The following HMGCLL1 variants were observed in gnomAD, a reference collection of about 807,000 sequenced individuals.
HMGCLL1 encodes 3-hydroxy-3-methylglutaryl-CoA lyase like 1.
HMGCLL1 carries 36 observed loss-of-function variants against 39.1 expected under a neutral mutation model. That is an observed-to-expected ratio of 0.92 (90% CI 0.71 to 1.22). The LOEUF is 1.22. Ranked by LOEUF, HMGCLL1 falls within the 50% of genes most tolerant of loss-of-function variation. The probability of loss-of-function intolerance (pLI) is 0.00; values close to 1 mark genes in which losing one functional copy is unlikely to be tolerated. For synonymous variants in HMGCLL1, 149 were observed against 144.0 expected, an observed-to-expected ratio of 1.03 and a Z score of -0.25; for missense variants, 451 against 416.5, an observed-to-expected ratio of 1.08 and a Z score of -0.72.
intron 7 of HMGCLL1, among the ~76,000 whole-genome samples, chr6:55,463,874 C>T (rs1581809701): frequency 6.6e-6 from 1 of 152,064 alleles, no homozygotes; most frequent in Non-Finnish European, 1.5e-5. Flanking sequence ...GTCTCACCTC[C>T]AGGGCAATAC....
At chr6:55,615,448 T>G in the HMGCLL1 span, among the ~76,000 whole-genome samples, 1 of 152,142 alleles carries the variant, frequency 6.6e-6, no homozygotes, top group Admixed American at 6.6e-5. Flanking sequence ...CTATAAAATG[T>G]ACTTGCAGGT....
chr6:55,659,989 A>C, the HMGCLL1 span, among the ~76,000 whole-genome samples: 1 of 151,796 alleles, frequency 6.6e-6, no homozygotes, highest in African/African-American at 2.4e-5. Context: ...AAGTCCAATG[A>C]GATAGAGGTG....
chr6:55,661,146 T>A, the HMGCLL1 span, among the ~76,000 whole-genome samples: 2 of 152,004 alleles, frequency 1.3e-5, no homozygotes, highest in Non-Finnish European at 2.9e-5. Context: ...TTGCAAATAT[T>A]TTTGCTCACT....
chr6:55,454,920 A>T (rs1479453623), intron 7 of HMGCLL1, among the ~76,000 whole-genome samples: 1 of 152,104 alleles, frequency 6.6e-6, no homozygotes, highest in African/African-American at 2.4e-5. Context: ...TTTTACATAG[A>T]TATAAAATAT....
chr6:55,518,528 A>C (rs1767867663), intron 3 of HMGCLL1, among the ~76,000 whole-genome samples: 1 of 152,240 alleles, frequency 6.6e-6, no homozygotes, highest in Middle Eastern at 3.4e-3. Flanking sequence ...AACTATTAGA[A>C]TGTAGTGGAA....
At chr6:55,607,046 ATTAG>A in the HMGCLL1 span, among the ~76,000 whole-genome samples, 1 of 152,274 alleles carries the variant, frequency 6.6e-6, no homozygotes, top group Non-Finnish European at 1.5e-5. Context: ...GTTTTTGTTA[ATTAG>A]TTAATCAGCA....
At chr6:55,572,229 AG>A (rs1387054608) in intron 1 of HMGCLL1, among the ~76,000 whole-genome samples, 1 of 152,188 alleles carries the variant, frequency 6.6e-6, no homozygotes, top group Non-Finnish European at 1.5e-5. Context: ...GCAATGCAAA[AG>A]ATAAGATTGA....
intron 7 of HMGCLL1, among the ~76,000 whole-genome samples, chr6:55,473,754 T>G (rs1017536763): frequency 2.0e-4 from 31 of 151,618 alleles, no homozygotes; most frequent in African/African-American, 7.5e-4. Flanking sequence ...TATCCTTCTT[T>G]GTGAAGACTG....
the HMGCLL1 span, among the ~76,000 whole-genome samples, chr6:55,636,887 G>C: frequency 4.5e-4 from 68 of 152,266 alleles, no homozygotes; most frequent in African/African-American, 1.6e-3. Context: ...CCCACCTGGA[G>C]TATAGGACGG....
rs762734248 is a variant in HMGCLL1 at position 55,542,091 on chromosome 6, A to G, written c.158T>C (p.Val53Ala). The G allele has an allele frequency of 9.9e-6, 16 of 1,610,704 alleles. No individual in the cohort carries two copies. In the Middle Eastern group the frequency reaches 4.9e-4, roughly 50 times the overall value. Residue 53 changes from valine (V) to alanine (A), a missense_variant, in exon 2 of 9, where the codon GTT becomes GCT. By Grantham distance (64) the Val-to-Ala change is moderately conservative (BLOSUM62 0). Coordinates refer to ENST00000274901, the MANE Select transcript of HMGCLL1 (RefSeq NM_001042406.2). ...ATTCTGCAATCCATCCCTAGGCCCA[A>G]CTTCTACTATTTTAACAAACTCAGG... The part of the protein sequence containing the change: ...GLPEFVKIVE[V>A]GPRDGLQNEK...
chr6:55,518,823 GACACTGAAGACCAGAC>G (rs1483875438), intron 3 of HMGCLL1, among the ~76,000 whole-genome samples: 2 of 152,092 alleles, frequency 1.3e-5, no homozygotes, highest in African/African-American at 4.8e-5. Context: ...TGAGGCCCTA[GACACTGAAGACCAGAC>G]ACAACCTGTC....
intron 6 of HMGCLL1, among the ~76,000 whole-genome samples, chr6:55,497,599 C>A (rs1766647185): frequency 6.6e-6 from 1 of 151,958 alleles, no homozygotes; most frequent in Non-Finnish European, 1.5e-5. Context: ...AAATAAATAC[C>A]AGCTAAAAAT....
At chr6:55,527,696 G>T (rs1015433066) in intron 3 of HMGCLL1, among the ~76,000 whole-genome samples, 2 of 151,946 alleles carry the variant, frequency 1.3e-5, no homozygotes, top group African/African-American at 2.4e-5. Context: ...TGACTTTCTT[G>T]TCTATATCAT....
At chr6:55,549,338 C>G (rs1419413398) in intron 1 of HMGCLL1, among the ~76,000 whole-genome samples, 1 of 150,626 alleles carries the variant, frequency 6.6e-6, no homozygotes, top group African/African-American at 2.5e-5. Flanking sequence ...ATTTTGAAAA[C>G]TACGAAAATT....
At chr6:55,593,219 G>T in the HMGCLL1 span, among the ~76,000 whole-genome samples, 1 of 152,218 alleles carries the variant, frequency 6.6e-6, no homozygotes, top group African/African-American at 2.4e-5. Flanking sequence ...CCATATTCAT[G>T]AGTATGAGAC....
intron 3 of HMGCLL1, among the ~76,000 whole-genome samples, chr6:55,519,866 A>G (rs1355197874): frequency 2.0e-5 from 3 of 152,140 alleles, no homozygotes; most frequent in Non-Finnish European, 4.4e-5. Flanking sequence ...AATCTACAAT[A>G]AATATAGATA....
intron 1 of HMGCLL1, among the ~76,000 whole-genome samples, chr6:55,555,780 A>G (rs1414832764): frequency 1.3e-5 from 2 of 152,210 alleles, no homozygotes; most frequent in Non-Finnish European, 2.9e-5. Flanking sequence ...TATTCAAGGG[A>G]AGCCTTCACA....
intron 5 of HMGCLL1, among the ~76,000 whole-genome samples, chr6:55,502,699 T>A (rs1766951294): frequency 8.8e-6 from 1 of 113,508 alleles, no homozygotes; most frequent in South Asian, 2.8e-4. Flanking sequence ...AATTTTGTTT[T>A]CTGTAAAGAT....
At chr6:55,526,909 T>C (rs1470923912) in intron 3 of HMGCLL1, among the ~76,000 whole-genome samples, 1 of 152,080 alleles carries the variant, frequency 6.6e-6, no homozygotes, top group African/African-American at 2.4e-5. Context: ...CAAGCCAACC[T>C]TGCTGATTCC....
Sources: allele counts gnomAD v4.1 joint callset (sites outside exome capture counted in the v4.1 genomes callset), GRCh38; gene constraint gnomAD v4.1.1; transcripts MANE v1.5; gene names NCBI Gene and HGNC (gene_info 2026-07-23, HGNC 2026-07-21).